Variants in NSL1 observed in about 807,000 individuals in gnomAD.
NSL1 encodes NSL1 component of MIS12 kinetochore complex.
A neutral mutation model predicts 25.4 loss-of-function variants in NSL1; 11 were observed. The observed-to-expected ratio is 0.43, with a 90% CI of 0.27 to 0.72. The LOEUF is 0.72. Ranked by LOEUF, NSL1 falls within the 30% of genes least tolerant of loss-of-function variation. The probability of loss-of-function intolerance (pLI) is 0.19; values close to 1 mark genes in which losing one functional copy is unlikely to be tolerated. For synonymous variants in NSL1, 118 were observed against 120.6 expected (o/e 0.98, Z 0.14); for missense variants, 330 against 342.7 (o/e 0.96, Z 0.29).
In NSL1 at chr1:212,730,016, C is replaced by G. The variant is rs1657946688; in HGVS notation, c.*8392G>C. On this transcript the variant is annotated 3_prime_UTR_variant, in exon 6 of 6. Transcript: ENST00000366977. Reference sequence around the variant, plus strand: ...CTGTAATCACAGCACTTTGGGAGGCCAGGGCGAGTGGATCACCTGAGGTCA... The same window carrying G: ...CTGTAATCACAGCACTTTGGGAGGCGAGGGCGAGTGGATCACCTGAGGTCA... 1.0e-6 allele frequency: 1 copy of G among 975,414 alleles called. No homozygotes were observed. The highest frequency in any genetic ancestry group is 1.8e-5 in the African/African-American group (1 of 56,880). 60.4% of individuals were successfully genotyped at this position (975,414 alleles called of 1,614,324 possible).
At chr1:212,746,644 G>C (rs1314006053) in intron 4 of NSL1, among the ~76,000 whole-genome samples, 1 of 152,166 alleles carries the variant, frequency 6.6e-6, no homozygotes, top group Non-Finnish European at 1.5e-5. Flanking sequence ...ACTCACTTTA[G>C]ATCCAAAGAC....
intron 4 of NSL1, among the ~76,000 whole-genome samples, chr1:212,765,382 A>T (rs549011976): frequency 7.2e-5 from 11 of 152,342 alleles, no homozygotes; most frequent in African/African-American, 2.6e-4. Flanking sequence ...AAAAGATAAT[A>T]CATCATGATC....
intron 4 of NSL1, among the ~76,000 whole-genome samples, chr1:212,774,080 T>C (rs1282053051): frequency 6.6e-6 from 1 of 151,898 alleles, no homozygotes; most frequent in Non-Finnish European, 1.5e-5. Context: ...ATGGAGAGGA[T>C]GCAGAGAAGT....
At position 212,731,447 on chromosome 1, in the gene NSL1, A is replaced by G. The variant is rs1020889656; in HGVS notation, c.*6961T>C. On this transcript the variant is annotated 3_prime_UTR_variant, in exon 6 of 6. Coordinates refer to ENST00000366977, the MANE Select transcript of NSL1 (RefSeq NM_015471.4). ...CACGCCTGTTTTGAAACCCTGAGAA[A>G]GCTTCTGAAACCCTGAAAAACTGAA... 16 of 985,258 alleles carry G rather than the reference A, an allele frequency of 1.6e-5. No homozygotes were observed. The highest frequency in any genetic ancestry group is 1.0e-3 in the Middle Eastern group (2 of 1,936). 61.0% of individuals were successfully genotyped at this position (985,258 alleles called of 1,614,324 possible). A position where few individuals can be genotyped will look rare whatever the true frequency, so the allele number is the denominator to read the frequency against.
chr1:212,739,397 T>C, intron 5 of NSL1, 137 bp downstream of exon 5: 1 of 738,284 alleles, frequency 1.4e-6, no homozygotes, highest in South Asian at 1.9e-5. Context: ...TGTTGCTTAA[T>C]AAATTCATTA....
At chr1:212,779,254 C>T (rs1392026453) in intron 4 of NSL1, among the ~76,000 whole-genome samples, 2 of 146,206 alleles carry the variant, frequency 1.4e-5, no homozygotes, top group Non-Finnish European at 3.0e-5. Flanking sequence ...CAGCCCCCCT[C>T]CCGGCCAGCC....
At position 212,728,952 on chromosome 1, in the gene NSL1, T is replaced by C; in HGVS notation, c.*9456A>G. On this transcript the variant is annotated 3_prime_UTR_variant, in exon 6 of 6. Transcript: ENST00000366977. Reference sequence around the variant, plus strand: ...TGTTTGAACGTTTGTTCCCTTTGAATATGAAAGAAAAAGAAATGAGGAGTA... The same window carrying C: ...TGTTTGAACGTTTGTTCCCTTTGAACATGAAAGAAAAAGAAATGAGGAGTA... The C allele has an allele frequency of 2.0e-6, 2 of 985,320 alleles. No homozygotes were observed. The highest frequency in any genetic ancestry group is 2.4e-6 in the Non-Finnish European group (2 of 829,904). 61.0% of individuals were successfully genotyped at this position (985,320 alleles called of 1,614,324 possible).
Position 212,736,928 on chromosome 1 carries a change from T to G in NSL1, c.*1480A>C. On this transcript the variant is annotated 3_prime_UTR_variant, in exon 6 of 6. Transcript: ENST00000366977. Reference sequence around the variant, plus strand: ...CAAAATGCAAGTAGCTTATATAATCTAATAGAATTAACAATAACTCTTTTG... The same window carrying G: ...CAAAATGCAAGTAGCTTATATAATCGAATAGAATTAACAATAACTCTTTTG... 1.0e-6 allele frequency: 1 copy of G among 983,614 alleles called. No homozygotes were observed. Among genetic ancestry groups the G allele is most frequent in the Non-Finnish European group, 1.2e-6 (1 of 828,244 alleles). The allele number at this position is 983,614 out of a possible 1,614,324, so 60.9% of individuals were successfully genotyped here.
intron 4 of NSL1, among the ~76,000 whole-genome samples, chr1:212,776,113 C>G (rs1387751857): frequency 1.3e-5 from 2 of 152,178 alleles, no homozygotes; most frequent in Non-Finnish European, 2.9e-5. Flanking sequence ...CTGCGCCCAG[C>G]CCGTAAATTG....
intron 4 of NSL1, among the ~76,000 whole-genome samples, chr1:212,777,233 C>T (rs947930509): frequency 2.0e-5 from 3 of 151,796 alleles, no homozygotes; most frequent in African/African-American, 7.3e-5. Flanking sequence ...TTTAACTAGC[C>T]AGGCATGGTG....
At position 212,728,420 on chromosome 1, in the gene NSL1, T is replaced by C; in HGVS notation, c.*9988A>G. The C allele has an allele frequency of 1.0e-6, 1 of 985,424 alleles. No individual in the cohort carries two copies. The highest frequency in any genetic ancestry group is 1.7e-5 in the African/African-American group (1 of 57,360). The allele number at this position is 985,424 out of a possible 1,614,324, so 61.0% of individuals were successfully genotyped here. ...TACCCAATCTGGGACACTATTACAG[T>C]TGTGGCTTTACTCAATCTCTTCCTT... On this transcript the variant is annotated 3_prime_UTR_variant, in exon 6 of 6. Transcript: ENST00000366977.
At chr1:212,766,526 T>G (rs1659829815) in intron 4 of NSL1, among the ~76,000 whole-genome samples, 1 of 150,942 alleles carries the variant, frequency 6.6e-6, no homozygotes, top group African/African-American at 2.4e-5. Flanking sequence ...GCGCCTGTAG[T>G]CCCAGCTCCT....
Position 212,732,541 on chromosome 1 carries a change from G to C in NSL1, c.*5867C>G. 1 of 776,590 alleles carries C rather than the reference G, an allele frequency of 1.3e-6. No individual in the cohort carries two copies. The highest frequency in any genetic ancestry group is 1.6e-6 in the Non-Finnish European group (1 of 639,162). 48.1% of individuals were successfully genotyped at this position (776,590 alleles called of 1,614,324 possible). A position where few individuals can be genotyped will look rare whatever the true frequency, so the allele number is the denominator to read the frequency against. On this transcript the variant is annotated 3_prime_UTR_variant, in exon 6 of 6. Coordinates refer to ENST00000366977, the MANE Select transcript of NSL1 (RefSeq NM_015471.4). ...ATTCCCAGCCTCAGGTGATCTGCCT[G>C]TCTCGGCCTCCCAAGGTGCTGGGAT...
rs1322581108 is a variant in NSL1, at chr1:212,729,302, C to A, written c.*9106G>T. On this transcript the variant is annotated 3_prime_UTR_variant, in exon 6 of 6. Coordinates refer to ENST00000366977, the MANE Select transcript of NSL1 (RefSeq NM_015471.4). ...TTTCCCTCTAATGGATCCCTAGATG[C>A]TACTGATGGCTCCCCTAACTGACGG... The A allele has an allele frequency of 4.1e-6, 4 of 985,098 alleles. No individual in the cohort carries two copies. Among genetic ancestry groups the A allele is most frequent in the Non-Finnish European group, 4.8e-6 (4 of 829,638 alleles). 61.0% of individuals were successfully genotyped at this position (985,098 alleles called of 1,614,324 possible).
At chr1:212,756,974 G>T (rs1055246770) in intron 4 of NSL1, among the ~76,000 whole-genome samples, 17 of 152,196 alleles carry the variant, frequency 1.1e-4, no homozygotes, top group Non-Finnish European at 2.4e-4. Flanking sequence ...AGGTTAAAGG[G>T]ATACAGTATG....
At chr1:212,782,241 G>T (rs929905045) in intron 4 of NSL1, 131 bp downstream of exon 4, 3 of 730,108 alleles carry the variant, frequency 4.1e-6, no homozygotes, top group Non-Finnish European at 7.5e-6. Context: ...TGCTAAACAT[G>T]AATGACTGGT....
intron 4 of NSL1, among the ~76,000 whole-genome samples, chr1:212,780,519 A>G (rs1462667733): frequency 1.3e-4 from 8 of 60,458 alleles, no homozygotes; most frequent in African/African-American, 3.4e-4. Flanking sequence ...AAAAAAAGGA[A>G]AAAAAAAAAA....
intron 2 of NSL1, among the ~76,000 whole-genome samples, chr1:212,786,376 A>G (rs1202972505): frequency 5.3e-5 from 8 of 152,098 alleles, no homozygotes. Context: ...AAAGTTAAAT[A>G]ATTAGCCTGA....
intron 4 of NSL1, among the ~76,000 whole-genome samples, chr1:212,766,944 C>A (rs564147067): frequency 1.2e-4 from 18 of 152,174 alleles, no homozygotes; most frequent in Non-Finnish European, 2.2e-4. Context: ...TCACAGATGA[C>A]ACAAACAAAT....
Sources: allele counts gnomAD v4.1 joint callset (sites outside exome capture counted in the v4.1 genomes callset), GRCh38; gene constraint gnomAD v4.1.1; transcripts MANE v1.5; gene names NCBI Gene and HGNC (gene_info 2026-07-23, HGNC 2026-07-21).